Variants in RB1 observed in about 807,000 individuals in gnomAD.
RB1 encodes the protein RB transcriptional corepressor 1, also known as retinoblastoma-associated protein.
Under a neutral mutation model 135.4 loss-of-function variants are expected in RB1, and 18 were observed. The ratio of observed to expected loss-of-function variants is 0.13; its 90% CI spans 0.09 to 0.20. The LOEUF (loss-of-function observed/expected upper bound fraction) is 0.20, where lower values mean the gene tolerates loss of function less well. RB1 is among the 10% of genes least tolerant of loss of function. RB1 has a pLI of 1.00. For missense variants in RB1, 868 were observed against 1,110.0 expected (o/e 0.78, Z 3.10); for synonymous variants, 365 against 373.2 (o/e 0.98, Z 0.25).
intron 17 of RB1, among the ~76,000 whole-genome samples, chr13:48,403,432 T>C (rs1296712267): frequency 2.0e-5 from 3 of 151,976 alleles, no homozygotes; most frequent in Non-Finnish European, 4.4e-5. Flanking sequence ...AGTTGATTCA[T>C]TTTTTTAGTA....
chr13:48,455,040 T>C (rs968187805), intron 18 of RB1, among the ~76,000 whole-genome samples: 1 of 152,196 alleles, frequency 6.6e-6, no homozygotes, highest in African/African-American at 2.4e-5. Flanking sequence ...TTGGAGACTA[T>C]TTCTGTAGTT....
chr13:48,377,115 C>CT lies in RB1; in HGVS notation c.1332+82dup, dbSNP rs1403287032. On this transcript the variant is annotated intron_variant, in intron 13 of 26. Transcript: ENST00000267163. ...CATCTTTCCAGTTCGTATAAATACTCTAACAGTATTTGTCTAGTAGTATAA... is the reference window on the plus strand; with the variant it reads ...CATCTTTCCAGTTCGTATAAATACTCTTAACAGTATTTGTCTAGTAGTATAA... The CT allele has an allele frequency of 2.9e-5, 40 of 1,357,470 alleles. No homozygotes were observed. The Middle Eastern group carries it at 7.2e-4, about 25-fold the overall frequency. The allele number at this position is 1,357,470 out of a possible 1,614,324, so 84.1% of individuals were successfully genotyped here. A position where few individuals can be genotyped will look rare whatever the true frequency, so the allele number is the denominator to read the frequency against.
At chr13:48,466,683 C>A (rs1949447432) in intron 23 of RB1, among the ~76,000 whole-genome samples, 1 of 120,554 alleles carries the variant, frequency 8.3e-6, no homozygotes, top group African/African-American at 2.9e-5. Flanking sequence ...GAATATATAA[C>A]TAGAATAACC....
intron 3 of RB1, among the ~76,000 whole-genome samples, chr13:48,343,904 A>G (rs929451195): frequency 7.9e-5 from 12 of 152,170 alleles, no homozygotes; most frequent in African/African-American, 2.9e-4. Flanking sequence ...AGGAACTTTA[A>G]TAACCTTTTG....
Position 48,319,482 on chromosome 13 carries a change from C to A in RB1, c.264+12076C>A. ...CAGGGCGCCAGCGCTCCTCTTGACC[C>A]CGCTTTTATTCTGTGGTGCTTCTGA... On this transcript the variant is annotated intron_variant, in intron 2 of 26. Coordinates refer to ENST00000267163, the MANE Select transcript of RB1 (RefSeq NM_000321.3). This position sits in a 1 kb window ranked among gnomAD's most constrained non-coding sequence, Gnocchi z 5.0. 3.3e-6 allele frequency: 1 copy of A among 304,310 alleles called. No homozygotes were observed. Among genetic ancestry groups the A allele is most frequent in the Non-Finnish European group, 6.3e-6 (1 of 158,742 alleles). The allele number at this position is 304,310 out of a possible 1,614,324, so 18.9% of individuals were successfully genotyped here.
chr13:48,357,947 A>T (rs1334691310), intron 6 of RB1, among the ~76,000 whole-genome samples: 1 of 152,184 alleles, frequency 6.6e-6, no homozygotes, highest in Non-Finnish European at 1.5e-5. Context: ...TAAGGGAGAT[A>T]GACATTAAAT....
intron 24 of RB1, 156 bp from the exon 25 acceptor site, chr13:48,476,545 T>G: frequency 1.4e-6 from 1 of 724,696 alleles, no homozygotes; most frequent in Non-Finnish European, 2.2e-6. Flanking sequence ...ATTTTTAGAT[T>G]TTTCATATCT....
chr13:48,327,316 G>C (rs917356524), intron 2 of RB1, among the ~76,000 whole-genome samples: 2 of 151,840 alleles, frequency 1.3e-5, no homozygotes, highest in Non-Finnish European at 2.9e-5. Flanking sequence ...TTCAAGTTCT[G>C]GTGGAAATGC....
chr13:48,319,608 C>A lies in RB1; in HGVS notation c.264+12202C>A, dbSNP rs1271388967. The A allele has an allele frequency of 4.0e-6, 1 of 252,668 alleles. No homozygotes were observed. The highest frequency in any genetic ancestry group is 5.6e-5 in the South Asian group (1 of 17,902). 15.7% of individuals were successfully genotyped at this position (252,668 alleles called of 1,614,324 possible). Reference sequence around the variant, plus strand: ...GGGCTGCACGTTCGTCTTTGCTAACCGGGGAGGTTTGCGAAAGGCGAACTC... The same window carrying A: ...GGGCTGCACGTTCGTCTTTGCTAACAGGGGAGGTTTGCGAAAGGCGAACTC... On this transcript the variant is annotated intron_variant, in intron 2 of 26. Coordinates refer to ENST00000267163, the MANE Select transcript of RB1 (RefSeq NM_000321.3). The surrounding 1 kb of genome is among the most constrained non-coding windows in gnomAD (Gnocchi z 5.0).
intron 14 of RB1, 137 bp downstream of exon 14, chr13:48,379,787 C>G: frequency 8.6e-7 from 1 of 1,162,334 alleles, no homozygotes; most frequent in Non-Finnish European, 1.2e-6. Flanking sequence ...TGGTGAAACC[C>G]TGTCTCTACT....
intron 17 of RB1, among the ~76,000 whole-genome samples, chr13:48,413,557 A>G (rs143389885): frequency 6.6e-6 from 1 of 152,308 alleles, no homozygotes; most frequent in Non-Finnish European, 1.5e-5. Flanking sequence ...GGGGCCTTTA[A>G]CCTTTAAGGT....
intron 17 of RB1, among the ~76,000 whole-genome samples, chr13:48,447,898 T>C (rs1425742721): frequency 3.9e-5 from 6 of 152,212 alleles, no homozygotes; most frequent in African/African-American, 1.4e-4. Flanking sequence ...GAAGAGAAAT[T>C]TACTTTTAGT....
intron 2 of RB1, among the ~76,000 whole-genome samples, chr13:48,314,812 G>A (rs1191097354): frequency 6.6e-6 from 1 of 151,574 alleles, no homozygotes; most frequent in Non-Finnish European, 1.5e-5. Flanking sequence ...TAAAATCTAT[G>A]TATTTAACAA....
chr13:48,353,477 G>A (rs1043681126), intron 6 of RB1, among the ~76,000 whole-genome samples: 4 of 152,004 alleles, frequency 2.6e-5, no homozygotes, highest in African/African-American at 9.7e-5. Flanking sequence ...GAAAAGCCTG[G>A]GACCTGATGG....
At chr13:48,318,644 C>A in intron 2 of RB1, 1 of 608,158 alleles carries the variant, frequency 1.6e-6, no homozygotes. Flanking sequence ...CACCATCTTT[C>A]ACCACCTCCC....
chr13:48,464,983 A>ATTTTTTTTTTTTT lies in RB1; in HGVS notation c.2212-15_2212-14insTTTTTTTTTTTTT. 1 of 699,296 alleles carries ATTTTTTTTTTTTT rather than the reference A, an allele frequency of 1.4e-6. No individual in the cohort carries two copies. The highest frequency in any genetic ancestry group is 1.8e-6 in the Non-Finnish European group (1 of 542,640). The allele number at this position is 699,296 out of a possible 1,614,324, so 43.3% of individuals were successfully genotyped here. A position where few individuals can be genotyped will look rare whatever the true frequency, so the allele number is the denominator to read the frequency against. ...CTTTTTTTTTTTTTTTTTTTTTTTT[A>ATTTTTTTTTTTTT]CTGTTCTTCCTCAGACATTCAAACG... On this transcript the variant is annotated splice_polypyrimidine_tract_variant and intron_variant, in intron 21 of 26. Transcript: ENST00000267163.
intron 2 of RB1, among the ~76,000 whole-genome samples, chr13:48,307,950 A>G (rs1387722743): frequency 1.3e-5 from 2 of 151,654 alleles, no homozygotes; most frequent in Non-Finnish European, 2.9e-5. Context: ...TTTATTCACT[A>G]TGATACAAGG....
intron 6 of RB1, among the ~76,000 whole-genome samples, chr13:48,350,728 C>T (rs1952540186): frequency 6.6e-6 from 1 of 152,168 alleles, no homozygotes; most frequent in Non-Finnish European, 1.5e-5. Flanking sequence ...TCTCCCTCTT[C>T]CCACTTTCCA....
At position 48,411,623 on chromosome 13, in the gene RB1, T is replaced by G. The variant is rs4151552; in HGVS notation, c.1695+30180T>G. 2.4e-3 allele frequency: 3,861 copies of G among 1,612,216 alleles called. 3 individuals carry two copies. The highest frequency in any genetic ancestry group is 3.0e-3 in the Non-Finnish European group (3,556 of 1,178,416). Reference sequence around the variant, plus strand: ...TGATTGGGTACATTGTCCTTACTGCTGCCACTACTGAGCAATTAACAAATG... The same window carrying G: ...TGATTGGGTACATTGTCCTTACTGCGGCCACTACTGAGCAATTAACAAATG... On this transcript the variant is annotated intron_variant, in intron 17 of 26. Coordinates refer to ENST00000267163, the MANE Select transcript of RB1 (RefSeq NM_000321.3).
Sources: allele counts gnomAD v4.1 joint callset (sites outside exome capture counted in the v4.1 genomes callset), GRCh38; gene constraint gnomAD v4.1.1; non-coding constraint Gnocchi (gnomAD v3.1); transcripts MANE v1.5; gene names NCBI Gene and HGNC (gene_info 2026-07-23, HGNC 2026-07-21).